Variants in KCNH7 observed in about 807,000 individuals in gnomAD.
KCNH7 encodes potassium voltage-gated channel subfamily H member 7, also known as voltage-gated inwardly rectifying potassium channel KCNH7.
Under a neutral mutation model 120.8 loss-of-function variants are expected in KCNH7, and 49 were observed. The ratio of observed to expected loss-of-function variants is 0.41; its 90% CI spans 0.32 to 0.51. KCNH7 has a LOEUF of 0.51. Among genes scored for constraint, KCNH7 ranks in the 20% least tolerant of loss-of-function variants. The pLI is 0.38. For missense variants in KCNH7, 1,097 were observed against 1,446.6 expected (o/e 0.76, Z 3.92); for synonymous variants, 547 against 516.1 (o/e 1.06, Z -0.81).
chr2:162,723,957 G>A (rs1208397035), intron 2 of KCNH7, among the ~76,000 whole-genome samples: 1 of 152,122 alleles, frequency 6.6e-6, no homozygotes, highest in African/African-American at 2.4e-5. Context: ...TAAAATTATT[G>A]GTTGAAAGAG....
At chr2:162,562,527 G>A (rs1229286176) in intron 2 of KCNH7, among the ~76,000 whole-genome samples, 1 of 152,144 alleles carries the variant, frequency 6.6e-6, no homozygotes, top group Non-Finnish European at 1.5e-5. Flanking sequence ...TAAAGTATAA[G>A]AGAGTAGATA....
At chr2:162,397,600 C>T (rs1324568435) in intron 10 of KCNH7, among the ~76,000 whole-genome samples, 1 of 151,784 alleles carries the variant, frequency 6.6e-6, no homozygotes, top group Admixed American at 6.6e-5. Flanking sequence ...TTCAGTGTCT[C>T]GCTTCTAACA....
intron 7 of KCNH7, among the ~76,000 whole-genome samples, chr2:162,440,133 T>A (rs1263901747): frequency 6.6e-6 from 1 of 151,770 alleles, no homozygotes; most frequent in Non-Finnish European, 1.5e-5. Flanking sequence ...TAATTGTACC[T>A]TATTTTTTAG....
chr2:162,473,747 A>C (rs1306928115), intron 6 of KCNH7, among the ~76,000 whole-genome samples: 1 of 152,248 alleles, frequency 6.6e-6, no homozygotes. Flanking sequence ...ATGGCGATAC[A>C]GTGTGATGAA....
chr2:162,560,378 G>T lies in KCNH7; in HGVS notation c.308-23298C>A, dbSNP rs138060382. 1.2e-4 allele frequency among the ~76,000 whole-genome samples: 18 copies of T among 152,296 alleles called. No homozygotes were observed. The South Asian group carries it at 3.5e-3, about 30-fold the overall frequency. Reference sequence around the variant, plus strand: ...CTGTAACATCGGAACAGGAGCAAAAGTATCACACCATCCTAGACTCAAGGA... The same window carrying T: ...CTGTAACATCGGAACAGGAGCAAAATTATCACACCATCCTAGACTCAAGGA... On this transcript the variant is annotated intron_variant, in intron 2 of 15. Coordinates refer to ENST00000332142, the MANE Select transcript of KCNH7 (RefSeq NM_033272.4).
chr2:162,622,794 T>G (rs1237795247), intron 2 of KCNH7, among the ~76,000 whole-genome samples: 3 of 152,152 alleles, frequency 2.0e-5, no homozygotes, highest in South Asian at 2.1e-4. Flanking sequence ...AATAAAAAAC[T>G]ATTAGGGGAT....
At chr2:162,680,566 G>C (rs1685677619) in intron 2 of KCNH7, among the ~76,000 whole-genome samples, 1 of 151,646 alleles carries the variant, frequency 6.6e-6, no homozygotes, top group African/African-American at 2.4e-5. Flanking sequence ...CCAGTAACTA[G>C]GGGTTACAGC....
At chr2:162,380,091 C>T in intron 13 of KCNH7, 70 bp from the exon 14 acceptor site, 1 of 1,535,418 alleles carries the variant, frequency 6.5e-7, no homozygotes, top group Admixed American at 1.7e-5. Context: ...CATAGATATC[C>T]ACAAGACAAG....
chr2:162,503,340 C>T (rs185977654), intron 6 of KCNH7, among the ~76,000 whole-genome samples: 6 of 151,922 alleles, frequency 3.9e-5, no homozygotes, highest in Non-Finnish European at 5.9e-5. Flanking sequence ...ATAAAATGTG[C>T]GTAACAGTAA....
chr2:162,669,064 A>C (rs1685246753), intron 2 of KCNH7, among the ~76,000 whole-genome samples: 1 of 152,212 alleles, frequency 6.6e-6, no homozygotes, highest in Non-Finnish European at 1.5e-5. Context: ...AAAGAGCTTA[A>C]GAATTATAGA....
At chr2:162,805,761 A>T (rs1392553721) in intron 2 of KCNH7, among the ~76,000 whole-genome samples, 2 of 152,136 alleles carry the variant, frequency 1.3e-5, no homozygotes, top group African/African-American at 4.8e-5. Context: ...ATAAGAAATT[A>T]TAAGAAAAAG....
intron 8 of KCNH7, among the ~76,000 whole-genome samples, chr2:162,434,070 TC>T (rs1190821064): frequency 6.6e-6 from 1 of 152,024 alleles, no homozygotes; most frequent in Non-Finnish European, 1.5e-5. Context: ...AAAAAGCATG[TC>T]CTTTGCAGCA....
chr2:162,625,797 A>G (rs1683534118), intron 2 of KCNH7, among the ~76,000 whole-genome samples: 1 of 152,142 alleles, frequency 6.6e-6, no homozygotes, highest in Admixed American at 6.6e-5. Context: ...AATTAAGAAA[A>G]TTACGGGAGG....
intron 6 of KCNH7, among the ~76,000 whole-genome samples, chr2:162,449,906 A>C (rs1409599684): frequency 6.6e-6 from 1 of 152,246 alleles, no homozygotes; most frequent in African/African-American, 2.4e-5. Context: ...TTTATAAAAC[A>C]GTGAATTCAA....
intron 2 of KCNH7, among the ~76,000 whole-genome samples, chr2:162,713,913 T>C (rs930720756): frequency 2.6e-5 from 4 of 152,094 alleles, no homozygotes; most frequent in South Asian, 2.1e-4. Flanking sequence ...CATGTCCAGC[T>C]AATTTTTCTA....
intron 2 of KCNH7, among the ~76,000 whole-genome samples, chr2:162,816,035 GA>G (rs1372866742): frequency 1.3e-5 from 2 of 152,096 alleles, no homozygotes; most frequent in Non-Finnish European, 2.9e-5. Flanking sequence ...AAGGCGGGCA[GA>G]TCACCTGAGG....
In KCNH7 at chr2:162,686,897, A is replaced by G. The variant is rs1279177978; in HGVS notation, c.307+149640T>C. Among the ~76,000 whole-genome samples the G allele has an allele frequency of 2.0e-5, 3 of 151,936 alleles. No individual in the cohort carries two copies. In the East Asian group the frequency reaches 5.8e-4, roughly 30 times the overall value. ...TGAACAATTTTCTGTTCGTCTGAAT[A>G]CTCCAGATCCCCAGTAAAGCCCATG... is the stretch of plus-strand genomic sequence containing the variant. On this transcript the variant is annotated intron_variant, in intron 2 of 15. Transcript: ENST00000332142.
chr2:162,532,114 A>T (rs1200383947), intron 3 of KCNH7, among the ~76,000 whole-genome samples: 1 of 151,950 alleles, frequency 6.6e-6, no homozygotes, highest in African/African-American at 2.4e-5. Context: ...CCCGTAAACC[A>T]TGCTTATGCA....
intron 2 of KCNH7, among the ~76,000 whole-genome samples, chr2:162,704,821 C>T (rs915855884): frequency 1.3e-5 from 2 of 152,130 alleles, no homozygotes; most frequent in Non-Finnish European, 2.9e-5. Context: ...ACATCAGAAA[C>T]CTACATGAAT....
Sources: gnomAD v4.1 joint callset for allele counts (sites outside exome capture counted in the v4.1 genomes callset) on GRCh38, gnomAD v4.1.1 for gene constraint, MANE v1.5 for transcripts, NCBI Gene and HGNC (gene_info 2026-07-23, HGNC 2026-07-21) for gene names.